The following FANCD2 variants were observed in gnomAD, a reference collection of about 807,000 sequenced individuals.
FANCD2 encodes FA complementation group D2, also known as Fanconi anemia group D2 protein.
In FANCD2, 131 loss-of-function variants were observed where a neutral mutation model predicts 192.3. The observed-to-expected ratio is 0.68, with a 90% CI of 0.59 to 0.79. The LOEUF is 0.79. Among genes scored for constraint, FANCD2 ranks in the 30% least tolerant of loss-of-function variants. The pLI is 0.00. For synonymous variants in FANCD2, 524 were observed against 612.5 expected (o/e 0.86, Z 2.13); for missense variants, 1,508 against 1,701.6 (o/e 0.89, Z 2.00).
chr3:10,052,469 A>T lies in FANCD2; in HGVS notation c.1628A>T (p.Lys543Ile). Residue 543 changes from lysine (K) to isoleucine (I), a missense_variant, in exon 18 of 44, where the codon AAA (lysine) becomes ATA (isoleucine). Coordinates refer to ENST00000675286, the MANE Select transcript of FANCD2 (RefSeq NM_001018115.3). ...GTTCTCAGCACACTGGCATTTAGCAAACAGAATGAAGCCAGCAGCCACATC... is the reference window on the plus strand; with the variant it reads ...GTTCTCAGCACACTGGCATTTAGCATACAGAATGAAGCCAGCAGCCACATC... Reference protein sequence around the residue: ...FYVLSTLAFSKQNEASSHIQD... With the variant: ...FYVLSTLAFSIQNEASSHIQD... 6.2e-7 allele frequency: 1 copy of T among 1,612,286 alleles called. No homozygotes were observed. Among genetic ancestry groups the T allele is most frequent in the South Asian group, 1.1e-5 (1 of 91,002 alleles).
At chr3:10,068,798 G>T (rs1188306414) in intron 26 of FANCD2, among the ~76,000 whole-genome samples, 1 of 152,014 alleles carries the variant, frequency 6.6e-6, no homozygotes, top group Non-Finnish European at 1.5e-5. Flanking sequence ...AAAAACAGAT[G>T]CATATACCAA....
chr3:10,040,737 C>G, intron 9 of FANCD2: 1 of 358,168 alleles, frequency 2.8e-6, no homozygotes, highest in Non-Finnish European at 5.4e-6. Context: ...GTAATACTTC[C>G]TTTTGTATAG....
intron 2 of FANCD2, among the ~76,000 whole-genome samples, chr3:10,030,203 T>C (rs570761297): frequency 2.6e-5 from 4 of 152,062 alleles, no homozygotes; most frequent in African/African-American, 9.6e-5. Flanking sequence ...TTCAAGCGAT[T>C]CTCCTGGCTC....
chr3:10,038,480 A>T (rs193013444), intron 7 of FANCD2, among the ~76,000 whole-genome samples: 1 of 152,238 alleles, frequency 6.6e-6, no homozygotes. Flanking sequence ...TGGAAAAATG[A>T]TAATTGAGCC....
intron 2 of FANCD2, among the ~76,000 whole-genome samples, chr3:10,029,769 A>G (rs1191669080): frequency 1.3e-5 from 2 of 151,994 alleles, no homozygotes; most frequent in African/African-American, 4.8e-5. Context: ...AAAGTCCATT[A>G]TATCATTCTT....
intron 18 of FANCD2, among the ~76,000 whole-genome samples, chr3:10,058,655 C>T (rs1447903798): frequency 6.6e-6 from 1 of 152,196 alleles, no homozygotes; most frequent in East Asian, 1.9e-4. Flanking sequence ...CAATTTGTCA[C>T]ATATATGAAG....
intron 32 of FANCD2, among the ~76,000 whole-genome samples, chr3:10,082,142 C>T (rs904069582): frequency 6.6e-6 from 1 of 152,238 alleles, no homozygotes; most frequent in African/African-American, 2.4e-5. Context: ...CTAGCATGCT[C>T]CTTCAGCTTT....
Position 10,074,596 on chromosome 3 carries a change from C to G in FANCD2, c.2782C>G (p.Leu928Val). The G allele has an allele frequency of 6.2e-7, 1 of 1,613,512 alleles. No homozygotes were observed. The highest frequency in any genetic ancestry group is 8.5e-7 in the Non-Finnish European group (1 of 1,179,586). Residue 928 changes from leucine to valine, a missense_variant, in exon 29 of 44, where the codon CTG becomes GTG. This residue lies in a region of FANCD2 where 796 missense variants were observed against 879.4 expected (regional missense o/e 0.91). Transcript: ENST00000675286. ...LHNSHAFFRE[L>V]DIEVFSILHC... ...TAATTCCCATGCTTTTTTCCGAGAG[C>G]TGGACATTGAGGTCTTCTCTATTCT...
intron 17 of FANCD2, 88 bp from the exon 18 acceptor site, chr3:10,052,299 T>C (rs2087241337): frequency 1.2e-6 from 1 of 851,414 alleles, no homozygotes; most frequent in African/African-American, 1.7e-5. Flanking sequence ...TATCTATGTG[T>C]GTCTCTTTTA....
intron 2 of FANCD2, among the ~76,000 whole-genome samples, chr3:10,031,481 G>T (rs1366023886): frequency 1.4e-5 from 2 of 141,286 alleles, no homozygotes; most frequent in Non-Finnish European, 3.0e-5. Context: ...CAGCCTGGGC[G>T]ACAGAGCAAG....
intron 26 of FANCD2, among the ~76,000 whole-genome samples, chr3:10,068,725 G>C (rs1232077617): frequency 6.7e-6 from 1 of 150,322 alleles, no homozygotes; most frequent in Non-Finnish European, 1.5e-5. Context: ...TGGAGGAATC[G>C]CATTACCTGA....
chr3:10,036,293 A>G lies in FANCD2; in HGVS notation c.445A>G (p.Ile149Val), dbSNP rs185793030. Residue 149 changes from isoleucine to valine, a missense_variant, in exon 7 of 44, where the codon ATT becomes GTT. Coordinates refer to ENST00000675286, the MANE Select transcript of FANCD2 (RefSeq NM_001018115.3). ...CCTATGTCTTCTTTTTTAGCCTGCC[A>G]TTATCAAAACCTTATTTGAGAAGTT... ...LLGIDILQPA[I>V]IKTLFEKLPE... 6 of 1,612,182 alleles carry G rather than the reference A, an allele frequency of 3.7e-6. No homozygotes were observed. The highest frequency in any genetic ancestry group is 2.7e-5 in the African/African-American group (2 of 74,890).
chr3:10,070,081 C>G (rs1054969406), intron 26 of FANCD2, among the ~76,000 whole-genome samples: 11 of 150,046 alleles, frequency 7.3e-5, no homozygotes, highest in African/African-American at 2.7e-4. Flanking sequence ...ACCGCCCCGT[C>G]TGGGATGTGA....
intron 16 of FANCD2, 59 bp downstream of exon 16, chr3:10,048,110 G>A: frequency 6.2e-7 from 1 of 1,610,896 alleles, no homozygotes; most frequent in Non-Finnish European, 8.5e-7. Flanking sequence ...ATAATCTGAT[G>A]TTTATTTCTT....
intron 39 of FANCD2, 36 bp downstream of exon 39, chr3:10,093,359 C>A (rs374194873): frequency 9.4e-5 from 146 of 1,550,672 alleles, no homozygotes; most frequent in Non-Finnish European, 1.3e-4. Context: ...CATATTTATT[C>A]TTCCTGTGGA....
chr3:10,091,181 G>A (rs994927798), intron 37 of FANCD2, among the ~76,000 whole-genome samples: 2 of 146,408 alleles, frequency 1.4e-5, no homozygotes, highest in African/African-American at 5.0e-5. Flanking sequence ...TCTGGGCTCA[G>A]ATGATCCTCC....
intron 20 of FANCD2, among the ~76,000 whole-genome samples, chr3:10,062,615 A>G (rs1467784601): frequency 6.6e-6 from 1 of 152,160 alleles, no homozygotes; most frequent in Non-Finnish European, 1.5e-5. Context: ...AGTTCACCAG[A>G]AAGTGCTTCT....
intron 37 of FANCD2, 83 bp downstream of exon 37, chr3:10,090,468 T>C: frequency 1.1e-6 from 1 of 917,438 alleles, no homozygotes. Flanking sequence ...TTTTTTTTTT[T>C]TTTCTGAGAC....
At chr3:10,037,225 A>G (rs2086754659) in intron 7 of FANCD2, among the ~76,000 whole-genome samples, 2 of 152,192 alleles carry the variant, frequency 1.3e-5, no homozygotes, top group African/African-American at 4.8e-5. Flanking sequence ...AAATACAAGA[A>G]CATCAAATAT....
Sources: gnomAD v4.1 joint callset for allele counts (sites outside exome capture counted in the v4.1 genomes callset) on GRCh38, gnomAD v4.1.1 for gene constraint, gnomAD v4.1.1 regional missense constraint, MANE v1.5 for transcripts, NCBI Gene and HGNC (gene_info 2026-07-23, HGNC 2026-07-21) for gene names.